The following SH3RF3 variants were observed in gnomAD, a reference collection of about 807,000 sequenced individuals.
SH3RF3 encodes E3 ubiquitin-protein ligase SH3RF3.
A neutral mutation model predicts 66.3 loss-of-function variants in SH3RF3; 29 were observed. The observed-to-expected ratio is 0.44, with a 90% CI of 0.33 to 0.60. The LOEUF (loss-of-function observed/expected upper bound fraction) is 0.60, where lower values mean the gene tolerates loss of function less well. Ranked by LOEUF, SH3RF3 falls within the 20% of genes least tolerant of loss-of-function variation. The probability of loss-of-function intolerance (pLI) is 0.04; values close to 1 mark genes in which losing one functional copy is unlikely to be tolerated. For missense variants in SH3RF3, 1,194 were observed against 1,190.9 expected (o/e 1.00, Z -0.04); for synonymous variants, 583 against 532.0 (o/e 1.10, Z -1.32).
At chr2:109,181,189 C>T (rs1469291718) in intron 1 of SH3RF3, among the ~76,000 whole-genome samples, 1 of 152,080 alleles carries the variant, frequency 6.6e-6, no homozygotes, top group African/African-American at 2.4e-5. Flanking sequence ...TCAAATAAAC[C>T]TGTTATTTGG....
At chr2:109,150,398 C>T (rs903088211) in intron 1 of SH3RF3, among the ~76,000 whole-genome samples, 6 of 152,004 alleles carry the variant, frequency 3.9e-5, no homozygotes, top group East Asian at 3.8e-4. Flanking sequence ...TGATGATAGT[C>T]GAAGCCATTT....
At chr2:109,336,442 A>G (rs1682423435) in intron 1 of SH3RF3, among the ~76,000 whole-genome samples, 1 of 152,236 alleles carries the variant, frequency 6.6e-6, no homozygotes, top group Non-Finnish European at 1.5e-5. Flanking sequence ...GCCACCAATA[A>G]GTTTCTCCCT....
chr2:109,325,968 C>T (rs182205747), intron 1 of SH3RF3, among the ~76,000 whole-genome samples: 55 of 152,304 alleles, frequency 3.6e-4, no homozygotes, highest in East Asian at 3.5e-3. Context: ...TGAACCGTAA[C>T]GTATATGTCA....
In SH3RF3 at chr2:109,129,247, C is replaced by A; in HGVS notation, c.-294C>A. On this transcript the variant is annotated 5_prime_UTR_variant, in exon 1 of 10. Coordinates refer to ENST00000309415, the MANE Select transcript of SH3RF3 (RefSeq NM_001099289.3). ...TCGTGCCCGGCAGCACCCCCGGTCCCCCGCGCGGGGCGGACTTGCGGCGGG... is the reference window on the plus strand; with the variant it reads ...TCGTGCCCGGCAGCACCCCCGGTCCACCGCGCGGGGCGGACTTGCGGCGGG... 1.7e-6 allele frequency: 1 copy of A among 578,872 alleles called. No homozygotes were observed. Among genetic ancestry groups the A allele is most frequent in the South Asian group, 1.7e-5 (1 of 57,326 alleles). The allele number at this position is 578,872 out of a possible 1,614,324, so 35.9% of individuals were successfully genotyped here.
chr2:109,413,033 G>A (rs1376951193), intron 4 of SH3RF3, among the ~76,000 whole-genome samples: 1 of 152,218 alleles, frequency 6.6e-6, no homozygotes, highest in Non-Finnish European at 1.5e-5. Context: ...AACTTCAGGA[G>A]TGCAGGTTTT....
chr2:109,272,289 T>C (rs1220329668), intron 1 of SH3RF3, among the ~76,000 whole-genome samples: 1 of 152,238 alleles, frequency 6.6e-6, no homozygotes, highest in Non-Finnish European at 1.5e-5. Flanking sequence ...AACTGGGTCT[T>C]GGAGCTGATG....
chr2:109,297,679 A>C (rs1681349706), intron 1 of SH3RF3, among the ~76,000 whole-genome samples: 1 of 131,846 alleles, frequency 7.6e-6, no homozygotes, highest in Non-Finnish European at 1.6e-5. Context: ...AGTGCCTTCC[A>C]CTGGGCCAAT....
At chr2:109,237,787 C>G (rs1679683594) in intron 1 of SH3RF3, among the ~76,000 whole-genome samples, 2 of 152,074 alleles carry the variant, frequency 1.3e-5, no homozygotes, top group African/African-American at 4.8e-5. Flanking sequence ...ATCCTGAAAA[C>G]AAACACAAAA....
intron 6 of SH3RF3, among the ~76,000 whole-genome samples, chr2:109,433,315 T>C (rs1187421685): frequency 2.6e-5 from 4 of 152,224 alleles, no homozygotes; most frequent in Admixed American, 1.3e-4. Flanking sequence ...GGTCGCATTG[T>C]GGTAATATAT....
chr2:109,229,729 G>A (rs1290389862), intron 1 of SH3RF3, among the ~76,000 whole-genome samples: 8 of 152,090 alleles, frequency 5.3e-5, no homozygotes, highest in African/African-American at 1.4e-4. Context: ...TGGAATCATA[G>A]AATATTTGTC....
At chr2:109,228,337 G>C (rs1019354878) in intron 1 of SH3RF3, among the ~76,000 whole-genome samples, 6 of 152,308 alleles carry the variant, frequency 3.9e-5, no homozygotes, top group Middle Eastern at 6.8e-3. Flanking sequence ...ATCTCTGTTA[G>C]TCTGAAGATG....
intron 1 of SH3RF3, among the ~76,000 whole-genome samples, chr2:109,270,914 A>G (rs1386312185): frequency 6.6e-6 from 1 of 152,230 alleles, no homozygotes; most frequent in Non-Finnish European, 1.5e-5. Flanking sequence ...CAGCATCAGG[A>G]GGGAGACACC....
intron 1 of SH3RF3, among the ~76,000 whole-genome samples, chr2:109,330,239 G>A (rs1051530221): frequency 6.6e-6 from 1 of 152,188 alleles, no homozygotes; most frequent in East Asian, 1.9e-4. Context: ...TCTGTGGGTT[G>A]CAGAAAGAAG....
intron 1 of SH3RF3, among the ~76,000 whole-genome samples, chr2:109,164,434 T>TC (rs1489524079): frequency 2.6e-5 from 4 of 152,342 alleles, no homozygotes; most frequent in Non-Finnish European, 4.4e-5. Flanking sequence ...TTCTCCTGCC[T>TC]CAGCTTCCTG....
intron 1 of SH3RF3, among the ~76,000 whole-genome samples, chr2:109,210,746 G>A (rs1574506253): frequency 1.3e-5 from 2 of 152,326 alleles, no homozygotes; most frequent in Admixed American, 1.3e-4. Context: ...GGGAGGAAAG[G>A]GAGAAATGCT....
intron 1 of SH3RF3, among the ~76,000 whole-genome samples, chr2:109,139,872 G>A (rs372174738): frequency 6.6e-6 from 1 of 152,204 alleles, no homozygotes; most frequent in African/African-American, 2.4e-5. Flanking sequence ...GGAGTCGTGT[G>A]GACAGGGGTC....
chr2:109,395,393 C>T (rs1424345559), intron 3 of SH3RF3, among the ~76,000 whole-genome samples: 1 of 152,196 alleles, frequency 6.6e-6, no homozygotes, highest in African/African-American at 2.4e-5. Context: ...ACAGCCTAAC[C>T]CCTCCTCTTC....
chr2:109,348,265 C>G (rs1308568780), intron 2 of SH3RF3, among the ~76,000 whole-genome samples: 6 of 152,240 alleles, frequency 3.9e-5, no homozygotes, highest in African/African-American at 1.4e-4. Flanking sequence ...AGTCATGGCT[C>G]TAAGCGCTGA....
chr2:109,428,095 G>C (rs113919064), intron 5 of SH3RF3, among the ~76,000 whole-genome samples: 1 of 152,212 alleles, frequency 6.6e-6, no homozygotes, highest in Non-Finnish European at 1.5e-5. Flanking sequence ...CTGCAGAGTG[G>C]GTGCTGCACC....
Sources: allele counts gnomAD v4.1 joint callset (sites outside exome capture counted in the v4.1 genomes callset), GRCh38; gene constraint gnomAD v4.1.1; transcripts MANE v1.5; gene names NCBI Gene and HGNC (gene_info 2026-07-23, HGNC 2026-07-21).